Variants in GRID1 observed in about 807,000 individuals in gnomAD.
The protein encoded by GRID1 is glutamate receptor ionotropic, delta-1.
A neutral mutation model predicts 98.0 loss-of-function variants in GRID1; 28 were observed. The ratio of observed to expected loss-of-function variants is 0.29; its 90% CI spans 0.21 to 0.39. The LOEUF (loss-of-function observed/expected upper bound fraction) is 0.39. Ranked by LOEUF, GRID1 falls within the 10% of genes least tolerant of loss-of-function variation. The probability of loss-of-function intolerance (pLI) is 1.00; values close to 1 mark genes in which losing one functional copy is unlikely to be tolerated. For missense variants in GRID1, 1,111 were observed against 1,340.5 expected (o/e 0.83, Z 2.67); for synonymous variants, 553 against 538.5 (o/e 1.03, Z -0.37).
At chr10:86,038,511 T>C (rs1328720913) in intron 4 of GRID1, among the ~76,000 whole-genome samples, 3 of 152,208 alleles carry the variant, frequency 2.0e-5, no homozygotes, top group African/African-American at 7.2e-5. Flanking sequence ...AGAGCTGCCA[T>C]GTTTGCTCAT....
chr10:85,957,846 G>C (rs1174514539), intron 4 of GRID1, among the ~76,000 whole-genome samples: 2 of 152,228 alleles, frequency 1.3e-5, no homozygotes, highest in African/African-American at 2.4e-5. Flanking sequence ...TATATGCCTG[G>C]TCTGGCTCCT....
intron 5 of GRID1, among the ~76,000 whole-genome samples, chr10:85,882,077 C>T (rs1841036999): frequency 1.3e-5 from 2 of 152,150 alleles, no homozygotes; most frequent in Non-Finnish European, 2.9e-5. Flanking sequence ...AATGAGATAC[C>T]ATCTCACACC....
intron 4 of GRID1, among the ~76,000 whole-genome samples, chr10:86,023,621 A>G (rs879372639): frequency 6.6e-6 from 1 of 152,006 alleles, no homozygotes; most frequent in Admixed American, 6.5e-5. Context: ...AACCGCACCA[A>G]CACTACACAC....
chr10:85,783,750 T>C (rs1201857249), intron 8 of GRID1, among the ~76,000 whole-genome samples: 1 of 152,160 alleles, frequency 6.6e-6, no homozygotes, highest in African/African-American at 2.4e-5. Flanking sequence ...ATCAGGGACC[T>C]GCCCAAAACT....
At chr10:86,179,989 C>T (rs1471312323) in intron 3 of GRID1, among the ~76,000 whole-genome samples, 1 of 152,202 alleles carries the variant, frequency 6.6e-6, no homozygotes, top group Admixed American at 6.5e-5. Context: ...GGGTCTGAAT[C>T]CCTTGCAGAG....
chr10:85,887,473 C>A (rs1841133291), intron 5 of GRID1, among the ~76,000 whole-genome samples: 1 of 152,192 alleles, frequency 6.6e-6, no homozygotes, highest in Non-Finnish European at 1.5e-5. Context: ...CATGGGCCAA[C>A]AGTATCAGCA....
intron 8 of GRID1, among the ~76,000 whole-genome samples, chr10:85,760,795 T>G (rs903252584): frequency 1.1e-4 from 16 of 152,250 alleles, no homozygotes; most frequent in African/African-American, 3.6e-4. Flanking sequence ...GTAGCCATTC[T>G]GCTCTACTGC....
intron 4 of GRID1, among the ~76,000 whole-genome samples, chr10:85,996,657 T>C (rs1400776682): frequency 1.3e-5 from 2 of 152,036 alleles, no homozygotes; most frequent in East Asian, 1.9e-4. Context: ...GGTGAAACCC[T>C]GCCTCTACTA....
chr10:86,131,402 C>T (rs1844835414), intron 4 of GRID1, among the ~76,000 whole-genome samples: 1 of 152,116 alleles, frequency 6.6e-6, no homozygotes, highest in South Asian at 2.1e-4. Flanking sequence ...CCTCCTTGGC[C>T]AAAGGGGCTA....
At chr10:86,123,483 C>T (rs1844707612) in intron 4 of GRID1, among the ~76,000 whole-genome samples, 1 of 152,198 alleles carries the variant, frequency 6.6e-6, no homozygotes, top group African/African-American at 2.4e-5. Context: ...TCTGCACCCA[C>T]CCCCACACCC....
intron 8 of GRID1, among the ~76,000 whole-genome samples, chr10:85,741,959 A>C (rs1302836379): frequency 6.6e-6 from 1 of 152,116 alleles, no homozygotes; most frequent in Non-Finnish European, 1.5e-5. Flanking sequence ...GCTCTTTCTC[A>C]TCTGGTGGGT....
intron 2 of GRID1, among the ~76,000 whole-genome samples, chr10:86,252,093 G>A (rs1846845051): frequency 6.6e-6 from 1 of 152,210 alleles, no homozygotes; most frequent in Non-Finnish European, 1.5e-5. Flanking sequence ...CTACTAAGTA[G>A]CAGAGCCAGA....
chr10:86,251,226 C>T (rs184159548), intron 2 of GRID1, among the ~76,000 whole-genome samples: 238 of 152,236 alleles, frequency 1.6e-3, no homozygotes, highest in South Asian at 8.3e-3. Flanking sequence ...CGGCAGGGCC[C>T]TCTGCCTAGG....
Position 85,703,194 on chromosome 10 carries a change from TA to T in GRID1, c.1997+19808del, listed in dbSNP as rs1841472928. 2.6e-5 allele frequency among the ~76,000 whole-genome samples: 4 copies of T among 152,190 alleles called. No individual in the cohort carries two copies. The South Asian group carries it at 8.3e-4, about 32-fold the overall frequency. On this transcript the variant is annotated intron_variant, in intron 12 of 15. Coordinates refer to ENST00000327946, the MANE Select transcript of GRID1 (RefSeq NM_017551.3). ...ATACAGATATGTTTTAATTAATGTA[TA>T]AAGGCAACAGAAAATGTTCTCAGAT...
At chr10:85,839,042 C>A (rs1415572725) in intron 8 of GRID1, among the ~76,000 whole-genome samples, 2 of 152,128 alleles carry the variant, frequency 1.3e-5, no homozygotes, top group African/African-American at 2.4e-5. Context: ...TAAAAAAAGA[C>A]AAAGAAGTAC....
intron 4 of GRID1, among the ~76,000 whole-genome samples, chr10:86,043,089 C>T (rs1455900415): frequency 6.7e-6 from 1 of 149,728 alleles, no homozygotes; most frequent in African/African-American, 2.5e-5. Flanking sequence ...ACTGAGTTTC[C>T]AAAAAAAAAG....
intron 2 of GRID1, among the ~76,000 whole-genome samples, chr10:86,314,822 C>T (rs1847876941): frequency 6.6e-6 from 1 of 152,190 alleles, no homozygotes; most frequent in African/African-American, 2.4e-5. Context: ...TGCCCAGTGC[C>T]CTGAGACCTA....
At chr10:85,868,871 C>T (rs1276270826) in intron 6 of GRID1, 139 bp downstream of exon 6, 11 of 689,160 alleles carry the variant, frequency 1.6e-5, no homozygotes, top group Middle Eastern at 4.1e-4. Flanking sequence ...CCCAGTCAAC[C>T]GGTTTCAATT....
chr10:85,829,448 CA>C (rs1300103757), intron 8 of GRID1, among the ~76,000 whole-genome samples: 1 of 152,082 alleles, frequency 6.6e-6, no homozygotes, highest in African/African-American at 2.4e-5. Flanking sequence ...AAATCCTAGC[CA>C]GAGCAATCAG....
Sources: gnomAD v4.1 joint callset for allele counts (sites outside exome capture counted in the v4.1 genomes callset) on GRCh38, gnomAD v4.1.1 for gene constraint, MANE v1.5 for transcripts, NCBI Gene and HGNC (gene_info 2026-07-23, HGNC 2026-07-21) for gene names.